The following FAR2 variants were observed in gnomAD, a reference collection of about 807,000 sequenced individuals.
FAR2 encodes fatty acyl-CoA reductase 2.
In FAR2, 19 loss-of-function variants were observed where a neutral mutation model predicts 56.0. The observed-to-expected ratio is 0.34, with a 90% confidence interval of 0.24 to 0.50. FAR2 has a LOEUF of 0.50. FAR2 is among the 20% of genes least tolerant of loss of function. FAR2 has a pLI of 0.98. For synonymous variants in FAR2, 219 were observed against 218.8 expected (o/e 1.00, Z -0.01); for missense variants, 508 against 642.2 (o/e 0.79, Z 2.26).
rs1475108514 is a variant in FAR2 at position 29,251,974 on chromosome 12, C to G, written c.-38-18438C>G. On this transcript the variant is annotated intron_variant, in intron 1 of 11. Coordinates refer to ENST00000536681, the MANE Select transcript of FAR2 (RefSeq NM_001271783.2). ...TCCCTATGACATTATGCTCTGCTAGCTTGAAGGTCTTAGTTCGAGAGGGAG... is the reference window on the plus strand; with the variant it reads ...TCCCTATGACATTATGCTCTGCTAGGTTGAAGGTCTTAGTTCGAGAGGGAG... Among the ~76,000 whole-genome samples, 25 of 152,156 alleles carry G rather than the reference C, an allele frequency of 1.6e-4. 1 individual carries two copies. Among genetic ancestry groups the G allele is most frequent in the Admixed American group, 1.6e-3 (25 of 15,274 alleles).
chr12:29,235,470 G>T (rs979908715), intron 1 of FAR2, among the ~76,000 whole-genome samples: 1 of 152,050 alleles, frequency 6.6e-6, no homozygotes, highest in Non-Finnish European at 1.5e-5. Context: ...TTGAAAATTG[G>T]CTATTAGTGA....
intron 1 of FAR2, among the ~76,000 whole-genome samples, chr12:29,173,000 G>C (rs183935104): frequency 6.6e-6 from 1 of 152,242 alleles, no homozygotes; most frequent in African/African-American, 2.4e-5. Context: ...TAAGATACCA[G>C]GTATCTCCAA....
intron 5 of FAR2, among the ~76,000 whole-genome samples, chr12:29,308,719 C>CATATATATATATATAT (rs71042985): frequency 4.5e-5 from 6 of 132,300 alleles, no homozygotes; most frequent in East Asian, 2.2e-4. Context: ...CACACACACA[C>CATATATATATATATAT]ATATATATAT....
intron 4 of FAR2, among the ~76,000 whole-genome samples, chr12:29,303,421 G>C (rs901338482): frequency 6.6e-6 from 1 of 152,084 alleles, no homozygotes; most frequent in East Asian, 1.9e-4. Flanking sequence ...TTGTCTTTCA[G>C]TTCTTAGAAG....
intron 1 of FAR2, among the ~76,000 whole-genome samples, chr12:29,200,549 A>G (rs1353402826): frequency 6.6e-6 from 1 of 152,214 alleles, no homozygotes; most frequent in Admixed American, 6.5e-5. Context: ...TTGGGGTTCA[A>G]TCAGGCTGGT....
At chr12:29,323,964 G>A (rs1949599516) in intron 10 of FAR2, among the ~76,000 whole-genome samples, 2 of 152,138 alleles carry the variant, frequency 1.3e-5, no homozygotes, top group Non-Finnish European at 2.9e-5. Context: ...AAAGGAGGAA[G>A]TTCGAACCAA....
chr12:29,214,093 A>C (rs1388720152), intron 1 of FAR2, among the ~76,000 whole-genome samples: 1 of 152,238 alleles, frequency 6.6e-6, no homozygotes, highest in Non-Finnish European at 1.5e-5. Context: ...TTCGTCATCC[A>C]AGTCATCAAT....
chr12:29,226,214 A>G (rs913038271), intron 1 of FAR2, among the ~76,000 whole-genome samples: 15 of 152,236 alleles, frequency 9.9e-5, no homozygotes, highest in African/African-American at 3.6e-4. Flanking sequence ...GAAAAGTTAG[A>G]TATCATTCCG....
chr12:29,266,216 A>G (rs752705383), intron 1 of FAR2, among the ~76,000 whole-genome samples: 19 of 152,196 alleles, frequency 1.2e-4, no homozygotes, highest in Non-Finnish European at 1.2e-4. Flanking sequence ...TCCCATATTT[A>G]TTGCAGTGTT....
chr12:29,259,822 G>A (rs1948387021), intron 1 of FAR2, among the ~76,000 whole-genome samples: 2 of 151,980 alleles, frequency 1.3e-5, no homozygotes, highest in African/African-American at 4.8e-5. Flanking sequence ...TTTTCATTCA[G>A]CCATCCGATA....
In FAR2 at chr12:29,332,690, A is replaced by G. The variant is rs1315823497; in HGVS notation, c.1348A>G (p.Met450Val). Reference sequence around the variant, plus strand: ...TAAAAAATACTTATTGAAAGAGGATATGGCTGGGATCCCAAAAGCAAAGCA... The same window carrying G: ...TAAAAAATACTTATTGAAAGAGGATGTGGCTGGGATCCCAAAAGCAAAGCA... The part of the protein sequence containing the change: ...GVKKYLLKED[M>V]AGIPKAKQRL... Residue 450 changes from methionine (M) to valine (V), a missense_variant, in exon 11 of 12, where the codon ATG (methionine) becomes GTG (valine). Coordinates refer to ENST00000536681, the MANE Select transcript of FAR2 (RefSeq NM_001271783.2). The G allele has an allele frequency of 1.9e-6, 3 of 1,613,578 alleles. No individual in the cohort carries two copies. The highest frequency in any genetic ancestry group is 2.5e-6 in the Non-Finnish European group (3 of 1,179,780).
rs534979963 is a variant in FAR2, at chr12:29,335,425, A to C, written c.*1631A>C. The C allele has an allele frequency of 6.6e-6, 1 of 152,182 alleles. No individual in the cohort carries two copies. The highest frequency in any genetic ancestry group is 6.5e-5 in the Admixed American group (1 of 15,280). 9.4% of individuals were successfully genotyped at this position (152,182 alleles called of 1,614,324 possible). A position where few individuals can be genotyped will look rare whatever the true frequency, so the allele number is the denominator to read the frequency against. ...GATGTCTATATGGTACTTTTGAGTT[A>C]TATCAATTAAGATACAAGCTATAGA... On this transcript the variant is annotated 3_prime_UTR_variant, in exon 12 of 12. Coordinates refer to ENST00000536681, the MANE Select transcript of FAR2 (RefSeq NM_001271783.2).
chr12:29,252,292 C>G (rs964842119), intron 1 of FAR2, among the ~76,000 whole-genome samples: 1 of 152,076 alleles, frequency 6.6e-6, no homozygotes, highest in Non-Finnish European at 1.5e-5. Flanking sequence ...CCAGGCAGGA[C>G]TATTATGGGC....
intron 1 of FAR2, among the ~76,000 whole-genome samples, chr12:29,228,239 CCT>C (rs1352677223): frequency 1.3e-5 from 2 of 151,850 alleles, no homozygotes; most frequent in African/African-American, 2.4e-5. Context: ...TACATTGCAG[CCT>C]TTGATGTTGG....
In FAR2 at chr12:29,275,626, C is replaced by G. The variant is rs79717183; in HGVS notation, c.189+4988C>G. ...GTTTTTCGATGGGAGCCTCCAATCA[C>G]CCCTGCTTCTAGTAGGCCATCTTGG... On this transcript the variant is annotated intron_variant, in intron 2 of 11. Transcript: ENST00000536681. 1.5e-4 allele frequency among the ~76,000 whole-genome samples: 23 copies of G among 152,252 alleles called. No homozygotes were observed. In the Middle Eastern group the frequency reaches 0.017, roughly 113 times the overall value.
At chr12:29,165,128 A>G (rs1160152674) in intron 1 of FAR2, among the ~76,000 whole-genome samples, 2 of 152,200 alleles carry the variant, frequency 1.3e-5, no homozygotes, top group Non-Finnish European at 2.9e-5. Context: ...TATCTTGCTT[A>G]AGGAGATGAT....
intron 1 of FAR2, among the ~76,000 whole-genome samples, chr12:29,178,278 G>A (rs1171926668): frequency 6.6e-6 from 1 of 152,066 alleles, no homozygotes; most frequent in Non-Finnish European, 1.5e-5. Flanking sequence ...GTTTTAAAAA[G>A]CATATGCCCA....
At chr12:29,307,489 C>G (rs1245077924) in intron 4 of FAR2, among the ~76,000 whole-genome samples, 169 bp from the exon 5 acceptor site, 2 of 152,166 alleles carry the variant, frequency 1.3e-5, no homozygotes, top group African/African-American at 4.8e-5. Flanking sequence ...GAGCAAAAAG[C>G]TCATGCATGC....
intron 2 of FAR2, chr12:29,277,919 A>G (rs1948726204): frequency 6.8e-6 from 1 of 147,188 alleles, no homozygotes; most frequent in South Asian, 2.1e-4. Context: ...ATTCATTTGT[A>G]CATATTTTCT....
Sources: gnomAD v4.1 joint callset for allele counts (sites outside exome capture counted in the v4.1 genomes callset) on GRCh38, gnomAD v4.1.1 for gene constraint, MANE v1.5 for transcripts, NCBI Gene and HGNC (gene_info 2026-07-23, HGNC 2026-07-21) for gene names.